The following GMPS variants were observed in gnomAD, a reference collection of about 807,000 sequenced individuals.
GMPS encodes the protein guanosine monophosphate synthase, also known as GMP synthase [glutamine-hydrolyzing].
A neutral mutation model predicts 77.9 loss-of-function variants in GMPS; 15 were observed. That is an observed-to-expected ratio of 0.19 (90% confidence interval 0.13 to 0.30). The LOEUF (loss-of-function observed/expected upper bound fraction) is 0.30. GMPS is among the 10% of genes least tolerant of loss of function. GMPS has a pLI of 1.00. For synonymous variants in GMPS, 224 were observed against 275.9 expected (o/e 0.81, Z 1.86); for missense variants, 590 against 838.8 (o/e 0.70, Z 3.66).
At chr3:155,878,904 G>T (rs760892002) in intron 1 of GMPS, among the ~76,000 whole-genome samples, 1 of 152,034 alleles carries the variant, frequency 6.6e-6, no homozygotes, top group African/African-American at 2.4e-5. Flanking sequence ...GGAGAGGGAT[G>T]GGGGGAGGGT....
intron 3 of GMPS, 40 bp from the exon 4 acceptor site, chr3:155,903,823 C>A: frequency 2.4e-6 from 2 of 824,654 alleles, no homozygotes; most frequent in East Asian, 2.7e-5. Context: ...GGGTATTTTT[C>A]TTTTGATTTC....
At chr3:155,935,653 G>A (rs181492354) in intron 14 of GMPS, among the ~76,000 whole-genome samples, 9 of 152,298 alleles carry the variant, frequency 5.9e-5, no homozygotes, top group Admixed American at 5.2e-4. Flanking sequence ...CTCTCATAAT[G>A]TGAACAAGTC....
At chr3:155,876,268 G>C (rs1244560209) in intron 1 of GMPS, among the ~76,000 whole-genome samples, 1 of 152,136 alleles carries the variant, frequency 6.6e-6, no homozygotes, top group Non-Finnish European at 1.5e-5. Flanking sequence ...CTGAGTAGCC[G>C]GCAGGAATAG....
At chr3:155,872,276 G>A (rs1012141240) in intron 1 of GMPS, among the ~76,000 whole-genome samples, 21 of 152,328 alleles carry the variant, frequency 1.4e-4, no homozygotes, top group African/African-American at 5.1e-4. Flanking sequence ...TAAGGTAGCT[G>A]ATTTTAACTC....
intron 1 of GMPS, among the ~76,000 whole-genome samples, chr3:155,871,218 TG>T (rs1026021144): frequency 1.3e-5 from 2 of 150,978 alleles, no homozygotes; most frequent in African/African-American, 4.9e-5. Context: ...GGCGCGAGGG[TG>T]GGGGTAGGGC....
chr3:155,914,650 A>G, intron 8 of GMPS, 80 bp downstream of exon 8: 3 of 844,482 alleles, frequency 3.6e-6, no homozygotes, highest in Non-Finnish European at 5.3e-6. Flanking sequence ...TCACTATATC[A>G]AATAACCAAA....
chr3:155,931,678 T>C, intron 12 of GMPS, 87 bp from the exon 13 acceptor site: 1 of 574,852 alleles, frequency 1.7e-6, no homozygotes, highest in East Asian at 3.2e-5. Flanking sequence ...CTTTTCTTTT[T>C]TTTTTAAAAA....
At chr3:155,925,125 T>C in intron 11 of GMPS, 116 bp from the exon 12 acceptor site, 1 of 849,846 alleles carries the variant, frequency 1.2e-6, no homozygotes, top group Non-Finnish European at 1.8e-6. Flanking sequence ...CTCAAGGAGA[T>C]ACCAAATACA....
chr3:155,930,843 A>G (rs1387802155), intron 12 of GMPS, among the ~76,000 whole-genome samples: 1 of 151,892 alleles, frequency 6.6e-6, no homozygotes, highest in Non-Finnish European at 1.5e-5. Flanking sequence ...TTTTTTTGAG[A>G]TGGGGTCTTA....
chr3:155,889,070 T>G (rs1754405479), intron 1 of GMPS, among the ~76,000 whole-genome samples: 1 of 152,174 alleles, frequency 6.6e-6, no homozygotes, highest in Non-Finnish European at 1.5e-5. Flanking sequence ...GGATTTAACT[T>G]CTATACTTTG....
intron 2 of GMPS, among the ~76,000 whole-genome samples, chr3:155,894,175 C>T (rs547224161): frequency 2.6e-5 from 4 of 152,184 alleles, no homozygotes; most frequent in African/African-American, 4.8e-5. Context: ...GTCAAAATAA[C>T]AGCCAGCTTA....
rs138589926 is a variant in GMPS, at chr3:155,910,848, G to A, written c.683G>A (p.Arg228Gln). The A allele has an allele frequency of 7.0e-5, 113 of 1,604,254 alleles. 1 individual carries two copies. Among genetic ancestry groups the A allele is most frequent in the South Asian group, 5.5e-4 (49 of 88,444 alleles). ...TVQNRELECI[R>Q]EIKERVGTSK... ...CAGAACAGAGAACTTGAGTGTATTC[G>A]AGAGATCAAAGAGAGAGTAGGCACG... The change falls in exon 6 of 16, where the codon CGA (arginine) becomes CAA (glutamine). Residue 228 changes from arginine to glutamine, a missense_variant. By Grantham distance (43) the Arg-to-Gln change is conservative. Coordinates refer to ENST00000496455, the MANE Select transcript of GMPS (RefSeq NM_003875.3).
rs144518673 is a variant in GMPS, at chr3:155,918,096, A to G, written c.1213-1137A>G. Among the ~76,000 whole-genome samples the G allele has an allele frequency of 2.6e-3, 392 of 152,248 alleles. 3 individuals are homozygous for G. Among genetic ancestry groups the G allele is most frequent in the African/African-American group, 9.0e-3 (376 of 41,550 alleles). On this transcript the variant is annotated intron_variant, in intron 9 of 15. Transcript: ENST00000496455. ...AGTACATAATGACTCCAATTTTTCC[A>G]AATGCTTACAATTTGTTATTTTCTA...
intron 12 of GMPS, 122 bp downstream of exon 12, chr3:155,925,488 T>G (rs1387721672): frequency 3.2e-6 from 2 of 621,468 alleles, no homozygotes. Flanking sequence ...CATTGCAACC[T>G]CCGCCTCCTG....
At chr3:155,914,018 C>T (rs1755105210) in intron 7 of GMPS, among the ~76,000 whole-genome samples, 1 of 152,000 alleles carries the variant, frequency 6.6e-6, no homozygotes. Flanking sequence ...ACAATCTCTG[C>T]TCACTGCAAG....
chr3:155,904,313 G>A (rs995240440), intron 4 of GMPS, among the ~76,000 whole-genome samples: 2 of 148,314 alleles, frequency 1.3e-5, no homozygotes, highest in South Asian at 2.1e-4. Flanking sequence ...TTTTCGAGAC[G>A]GAGTCTCCCT....
intron 8 of GMPS, among the ~76,000 whole-genome samples, chr3:155,914,774 T>G (rs1755130769): frequency 6.6e-6 from 1 of 152,076 alleles, no homozygotes; most frequent in Non-Finnish European, 1.5e-5. Context: ...GTTTTTTTTT[T>G]GTTTTTTTGA....
intron 7 of GMPS, among the ~76,000 whole-genome samples, chr3:155,913,953 AT>A (rs1021975962): frequency 4.1e-5 from 6 of 147,234 alleles, no homozygotes; most frequent in African/African-American, 5.0e-5. Context: ...TTCTTTTCTT[AT>A]TTTTTTTTTG....
rs370727242 is a variant in GMPS at position 155,879,265 on chromosome 3, CT to C, written c.27+8389del. On this transcript the variant is annotated intron_variant, in intron 1 of 15. Transcript: ENST00000496455. ...TCTCCACATCCTTTTCTGCACTTGT[CT>C]TTTTTTTTTTTTTTTTTTTTCCTGA... Among the ~76,000 whole-genome samples, 414 of 122,612 alleles carry C rather than the reference CT, an allele frequency of 3.4e-3. 1 individual carries two copies. Among genetic ancestry groups the C allele is most frequent in the East Asian group, 5.3e-3 (22 of 4,166 alleles). The allele number at this position is 122,612 out of a possible 152,430, so 80.4% of individuals were successfully genotyped here.
Sources: allele counts gnomAD v4.1 joint callset (sites outside exome capture counted in the v4.1 genomes callset), GRCh38; gene constraint gnomAD v4.1.1; transcripts MANE v1.5; gene names NCBI Gene and HGNC (gene_info 2026-07-23, HGNC 2026-07-21).